NXPE2: variants seen among roughly 807,000 people sequenced by gnomAD.
NXPE2 encodes the protein NXPE family member 2.
In NXPE2, 34 loss-of-function variants were observed where a neutral mutation model predicts 34.4. The ratio of observed to expected loss-of-function variants is 0.99; its 90% CI spans 0.75 to 1.31. NXPE2 has a LOEUF of 1.31. NXPE2 is among the 40% of genes most tolerant of loss of function. NXPE2 has a pLI of 0.00. For synonymous variants in NXPE2, 235 were observed against 231.3 expected (o/e 1.02, Z -0.15); for missense variants, 649 against 672.5 (o/e 0.97, Z 0.39).
At chr11:114,631,663 T>TA in the NXPE2 span, among the ~76,000 whole-genome samples, 1 of 151,878 alleles carries the variant, frequency 6.6e-6, no homozygotes, top group Non-Finnish European at 1.5e-5. Context: ...CCCTAAAACT[T>TA]AAAGTATATA....
intron 2 of NXPE2, among the ~76,000 whole-genome samples, chr11:114,690,083 T>C (rs561977409): frequency 1.3e-5 from 2 of 152,246 alleles, no homozygotes; most frequent in East Asian, 3.9e-4. Context: ...AGGTCATTTA[T>C]GTTCAAGGTT....
the NXPE2 span, among the ~76,000 whole-genome samples, chr11:114,612,943 C>G: frequency 2.6e-5 from 4 of 152,070 alleles, no homozygotes; most frequent in South Asian, 8.3e-4. Flanking sequence ...CATGTATCCA[C>G]TGTTACCTGC....
chr11:114,662,780 T>C, the NXPE2 span, among the ~76,000 whole-genome samples: 1 of 152,146 alleles, frequency 6.6e-6, no homozygotes, highest in African/African-American at 2.4e-5. Flanking sequence ...GAGTGACATT[T>C]CTGGATGCAT....
At chr11:114,663,258 G>A in the NXPE2 span, among the ~76,000 whole-genome samples, 1 of 152,180 alleles carries the variant, frequency 6.6e-6, no homozygotes. Flanking sequence ...TGTGGTTTCA[G>A]TGCCAACTCA....
the NXPE2 span, among the ~76,000 whole-genome samples, chr11:114,730,316 G>T: frequency 6.6e-6 from 1 of 152,026 alleles, no homozygotes; most frequent in African/African-American, 2.4e-5. Flanking sequence ...TTATATGATA[G>T]TTGGAAGTCG....
rs60780279 is a variant in NXPE2, at chr11:114,686,500, T to C, written c.132+6738T>C. 7.0e-3 allele frequency among the ~76,000 whole-genome samples: 1,070 copies of C among 152,322 alleles called. 9 individuals carry two copies. The highest frequency in any genetic ancestry group is 0.02 in the African/African-American group (843 of 41,580). ...TCCATGGTGTATATGTACCATATTT[T>C]CTTTATTCAATCCACCATTGTTGGG... On this transcript the variant is annotated intron_variant, in intron 2 of 5. Coordinates refer to ENST00000389586, the MANE Select transcript of NXPE2 (RefSeq NM_182495.6).
chr11:114,571,474 C>A, the NXPE2 span: 1 of 1,592,504 alleles, frequency 6.3e-7, no homozygotes, highest in Non-Finnish European at 8.6e-7. Context: ...GACTTCAGTG[C>A]TGATAACAAA....
chr11:114,775,812 G>C, the NXPE2 span, among the ~76,000 whole-genome samples: 1 of 151,946 alleles, frequency 6.6e-6, no homozygotes, highest in African/African-American at 2.4e-5. Context: ...AAGGTCAAAG[G>C]GTGGTAGATA....
the NXPE2 span, among the ~76,000 whole-genome samples, chr11:114,612,541 A>T: frequency 6.6e-6 from 1 of 151,826 alleles, no homozygotes; most frequent in Non-Finnish European, 1.5e-5. Flanking sequence ...CCCTGTGTCT[A>T]ATAAGTGTTG....
the NXPE2 span, among the ~76,000 whole-genome samples, chr11:114,793,752 C>A: frequency 5.9e-5 from 9 of 152,244 alleles, no homozygotes; most frequent in African/African-American, 2.2e-4. Context: ...GAAGAGAGAA[C>A]TGAAGGATAT....
the NXPE2 span, among the ~76,000 whole-genome samples, chr11:114,654,683 G>C: frequency 6.6e-6 from 1 of 152,052 alleles, no homozygotes; most frequent in African/African-American, 2.4e-5. Flanking sequence ...GTATTCCATG[G>C]TGTATATATA....
the NXPE2 span, among the ~76,000 whole-genome samples, chr11:114,469,800 A>G: frequency 9.8e-5 from 15 of 152,300 alleles, no homozygotes; most frequent in Middle Eastern, 3.4e-3. Flanking sequence ...CATTTCCACC[A>G]TTCCAAAAGT....
chr11:114,779,194 G>T, the NXPE2 span, among the ~76,000 whole-genome samples: 1 of 152,242 alleles, frequency 6.6e-6, no homozygotes, highest in African/African-American at 2.4e-5. Context: ...TTCTTCCTTC[G>T]CCAGAGCTCT....
the NXPE2 span, among the ~76,000 whole-genome samples, chr11:114,732,552 T>C: frequency 1.1e-4 from 17 of 152,212 alleles, no homozygotes; most frequent in African/African-American, 3.6e-4. Context: ...AATTTTACTT[T>C]TAGGTACCTA....
At chr11:114,492,729 CG>C in the NXPE2 span, among the ~76,000 whole-genome samples, 3 of 151,932 alleles carry the variant, frequency 2.0e-5, no homozygotes, top group Admixed American at 1.3e-4. Flanking sequence ...TTAGTAGAGA[CG>C]GGGTTTCACA....
At chr11:114,525,798 C>T in the NXPE2 span, among the ~76,000 whole-genome samples, 2 of 152,328 alleles carry the variant, frequency 1.3e-5, no homozygotes, top group African/African-American at 4.8e-5. Flanking sequence ...CTAGCCAATA[C>T]CCTTTCAGGT....
At chr11:114,756,441 A>C in the NXPE2 span, among the ~76,000 whole-genome samples, 49,721 of 152,056 alleles carry the variant, frequency 0.33, 8,967 homozygotes, top group East Asian at 0.43. Flanking sequence ...TTCTACAATA[A>C]AATATTTCTA....
the NXPE2 span, among the ~76,000 whole-genome samples, chr11:114,639,732 T>A: frequency 4.1e-3 from 508 of 124,308 alleles, 6 homozygotes; most frequent in Admixed American, 6.7e-3. Context: ...AGTAATATAA[T>A]ATAAAATAAT....
At chr11:114,628,820 T>C in the NXPE2 span, among the ~76,000 whole-genome samples, 5 of 151,238 alleles carry the variant, frequency 3.3e-5, no homozygotes, top group African/African-American at 4.9e-5. Flanking sequence ...ATAGACGCAA[T>C]AAAAAATGAT....
Sources: allele counts gnomAD v4.1 joint callset (sites outside exome capture counted in the v4.1 genomes callset), GRCh38; gene constraint gnomAD v4.1.1; transcripts MANE v1.5; gene names NCBI Gene and HGNC (gene_info 2026-07-23, HGNC 2026-07-21).